The following MCTP1 variants were observed in gnomAD, a reference collection of about 807,000 sequenced individuals.
MCTP1 encodes multiple C2 and transmembrane domain-containing protein 1.
In MCTP1, 69 loss-of-function variants were observed where a neutral mutation model predicts 120.6. The observed-to-expected ratio is 0.57, with a 90% CI of 0.47 to 0.70. MCTP1 has a LOEUF of 0.70. Among genes scored for constraint, MCTP1 ranks in the 30% least tolerant of loss-of-function variants. MCTP1 has a pLI of 0.00. For missense variants in MCTP1, 1,203 were observed against 1,248.8 expected (o/e 0.96, Z 0.55); for synonymous variants, 529 against 493.1 (o/e 1.07, Z -0.96).
At chr5:94,800,250 TATTG>T (rs1367519403) in intron 17 of MCTP1, among the ~76,000 whole-genome samples, 5 of 152,274 alleles carry the variant, frequency 3.3e-5, no homozygotes, top group African/African-American at 1.2e-4. Flanking sequence ...GTCAACTAAT[TATTG>T]ATTAAGGTCC....
intron 1 of MCTP1, among the ~76,000 whole-genome samples, chr5:95,235,814 T>G (rs1755479011): frequency 6.6e-6 from 1 of 152,214 alleles, no homozygotes; most frequent in Non-Finnish European, 1.5e-5. Context: ...ACTAGGTCAG[T>G]GCAGCTCATG....
In MCTP1 at chr5:95,247,573, A is replaced by G. The variant is rs541223452; in HGVS notation, c.720+36283T>C. Among the ~76,000 whole-genome samples the G allele has an allele frequency of 3.9e-5, 6 of 152,292 alleles. No homozygotes were observed. In the East Asian group the frequency reaches 9.6e-4, roughly 24 times the overall value. ...ACATGCTGCTTTAAATGGGTCCCAG[A>G]GATTCTGGTACATTGTGTCTTTGTT... On this transcript the variant is annotated intron_variant, in intron 1 of 22. Transcript: ENST00000515393.
intron 1 of MCTP1, among the ~76,000 whole-genome samples, chr5:95,187,304 G>A (rs1193811922): frequency 1.3e-5 from 2 of 152,190 alleles, no homozygotes; most frequent in Non-Finnish European, 2.9e-5. Flanking sequence ...TTGCAACAAC[G>A]TGGTTGGAAA....
chr5:95,074,927 G>A (rs1753179622), intron 1 of MCTP1, among the ~76,000 whole-genome samples: 1 of 152,218 alleles, frequency 6.6e-6, no homozygotes, highest in Admixed American at 6.5e-5. Flanking sequence ...AGATTGCAGA[G>A]GTACATGACA....
chr5:94,775,269 C>A (rs1775041335), intron 19 of MCTP1, among the ~76,000 whole-genome samples: 1 of 152,194 alleles, frequency 6.6e-6, no homozygotes, highest in South Asian at 2.1e-4. Flanking sequence ...TGCATTTTAT[C>A]TTCTGCTTCC....
intron 2 of MCTP1, among the ~76,000 whole-genome samples, chr5:94,999,337 T>C (rs193078530): frequency 2.2e-4 from 34 of 152,338 alleles, no homozygotes; most frequent in Non-Finnish European, 4.1e-4. Flanking sequence ...AACTGAGAGA[T>C]GCACTTTTAA....
intron 1 of MCTP1, among the ~76,000 whole-genome samples, chr5:95,021,116 T>C (rs1223474800): frequency 1.3e-5 from 2 of 152,058 alleles, no homozygotes; most frequent in Non-Finnish European, 2.9e-5. Flanking sequence ...TTACTAATTG[T>C]GTGAGCTTGA....
chr5:94,877,418 C>T (rs149538078), intron 12 of MCTP1, among the ~76,000 whole-genome samples: 7 of 151,928 alleles, frequency 4.6e-5, no homozygotes, highest in Non-Finnish European at 8.8e-5. Flanking sequence ...TTAAATCTCC[C>T]ATGAGAATTA....
At chr5:94,714,290 G>A (rs1178810866) in intron 20 of MCTP1, among the ~76,000 whole-genome samples, 1 of 151,970 alleles carries the variant, frequency 6.6e-6, no homozygotes, top group Admixed American at 6.6e-5. Context: ...ATGGATCTCA[G>A]CTATTTAAAT....
intron 19 of MCTP1, among the ~76,000 whole-genome samples, chr5:94,733,383 A>G (rs984507316): frequency 1.3e-5 from 2 of 152,226 alleles, no homozygotes; most frequent in Non-Finnish European, 2.9e-5. Flanking sequence ...TACGATCAAT[A>G]CAGGATTTCC....
At chr5:94,823,284 G>A (rs1430230627) in intron 17 of MCTP1, among the ~76,000 whole-genome samples, 1 of 152,118 alleles carries the variant, frequency 6.6e-6, no homozygotes. Context: ...AGTTTTCCCA[G>A]CACCATTTAT....
intron 1 of MCTP1, among the ~76,000 whole-genome samples, chr5:95,256,155 G>A (rs1757865051): frequency 6.6e-6 from 1 of 151,810 alleles, no homozygotes. Flanking sequence ...GTATTTCTCA[G>A]AAAAGAAAGA....
chr5:95,082,126 T>G (rs1236881953), intron 1 of MCTP1, among the ~76,000 whole-genome samples: 1 of 152,146 alleles, frequency 6.6e-6, no homozygotes, highest in Non-Finnish European at 1.5e-5. Context: ...CTTCACTAAG[T>G]AGAGAATGGA....
At chr5:95,084,088 G>A (rs993823556) in intron 1 of MCTP1, among the ~76,000 whole-genome samples, 5 of 152,082 alleles carry the variant, frequency 3.3e-5, no homozygotes, top group Non-Finnish European at 7.4e-5. Context: ...CTGTGGACAC[G>A]TGGTTAGGTC....
At chr5:95,125,187 G>A (rs1758531668) in intron 1 of MCTP1, among the ~76,000 whole-genome samples, 1 of 152,170 alleles carries the variant, frequency 6.6e-6, no homozygotes, top group Admixed American at 6.5e-5. Context: ...ACTCTTGACT[G>A]CTGTATCTTC....
chr5:95,268,542 A>G (rs1202550049), intron 1 of MCTP1, among the ~76,000 whole-genome samples: 3 of 152,248 alleles, frequency 2.0e-5, no homozygotes, highest in Non-Finnish European at 4.4e-5. Flanking sequence ...GGAGGTTTGC[A>G]TAGCTTCAGT....
rs1457315642 is a variant in MCTP1, at chr5:94,826,607, A to T, written c.2437-27475T>A. On this transcript the variant is annotated intron_variant, in intron 17 of 22. Transcript: ENST00000515393. ...GGCAAACTTCTTTCTCAGGCTCTTG[A>T]TCTTCAGCTCTGCAAAATTCCTTCA... 3.9e-6 allele frequency: 3 copies of T among 771,336 alleles called. No individual in the cohort carries two copies. The African/African-American group carries it at 5.2e-5, about 13-fold the overall frequency. 47.8% of individuals were successfully genotyped at this position (771,336 alleles called of 1,614,324 possible). A position where few individuals can be genotyped will look rare whatever the true frequency, so the allele number is the denominator to read the frequency against.
chr5:94,878,471 C>A lies in MCTP1; in HGVS notation c.1934-5230G>T, dbSNP rs184071796. On this transcript the variant is annotated intron_variant, in intron 12 of 22. Coordinates refer to ENST00000515393, the MANE Select transcript of MCTP1 (RefSeq NM_024717.7). ...GATTTCATTATGGCAAGAAAATTGACACCCTAGAGTTGTGGCTTTCAACCT... is the reference window on the plus strand; with the variant it reads ...GATTTCATTATGGCAAGAAAATTGAAACCCTAGAGTTGTGGCTTTCAACCT... Among the ~76,000 whole-genome samples, 9 of 152,102 alleles carry A rather than the reference C, an allele frequency of 5.9e-5. No homozygotes were observed. The East Asian group carries it at 1.7e-3, about 29-fold the overall frequency.
In MCTP1 at chr5:94,704,006, A is replaced by ATGTT. The variant is rs1392918392; in HGVS notation, c.*3486_*3489dup. Reference sequence around the variant, plus strand: ...TTCACCAAAAAAAAAAGAAAAAAAAATGTTTTGTTTTCTTTCAGTGAGTTA... The same window carrying ATGTT: ...TTCACCAAAAAAAAAAGAAAAAAAAATGTTTGTTTTGTTTTCTTTCAGTGAGTTA... On this transcript the variant is annotated 3_prime_UTR_variant, in exon 23 of 23. Coordinates refer to ENST00000515393, the MANE Select transcript of MCTP1 (RefSeq NM_024717.7). 1 of 137,784 alleles carries ATGTT rather than the reference A, an allele frequency of 7.3e-6. No homozygotes were observed. The highest frequency in any genetic ancestry group is 2.7e-5 in the African/African-American group (1 of 36,414). The allele number at this position is 137,784 out of a possible 1,614,324, so 8.5% of individuals were successfully genotyped here.
Sources: allele counts gnomAD v4.1 joint callset (sites outside exome capture counted in the v4.1 genomes callset), GRCh38; gene constraint gnomAD v4.1.1; transcripts MANE v1.5; gene names NCBI Gene and HGNC (gene_info 2026-07-23, HGNC 2026-07-21).